SERAC1: variants seen among roughly 807,000 people sequenced by gnomAD.
SERAC1 encodes the protein protein SERAC1.
SERAC1 carries 36 observed loss-of-function variants against 85.7 expected under a neutral mutation model. The observed-to-expected ratio is 0.42, with a 90% confidence interval of 0.32 to 0.55. The LOEUF (loss-of-function observed/expected upper bound fraction) is 0.55, where lower values mean the gene tolerates loss of function less well. SERAC1 is among the 20% of genes least tolerant of loss of function. The pLI, the probability that SERAC1 is intolerant of heterozygous loss-of-function variation, is 0.11. For missense variants in SERAC1, 629 were observed against 796.2 expected (o/e 0.79, Z 2.53); for synonymous variants, 242 against 265.3 (o/e 0.91, Z 0.85).
rs201941476 is a variant in SERAC1, at chr6:158,116,193, C to G, written c.1493G>C (p.Ser498Thr). ...GTTGAAGCCACACTTACCTCCCATG[C>G]TATGTGATATCCAAACCACTGGCCT... is the stretch of plus-strand genomic sequence containing the variant. Reference protein sequence around the residue: ...GDRPVVWISHSMGGLLVKKML... With the variant: ...GDRPVVWISHTMGGLLVKKML... The change falls in exon 14 of 17, where the codon AGC becomes ACC. Residue 498 changes from serine to threonine, a missense_variant. Transcript: ENST00000647468. 96 of 1,613,716 alleles carry G rather than the reference C, an allele frequency of 5.9e-5. No homozygotes were observed. Among genetic ancestry groups the G allele is most frequent in the Non-Finnish European group, 8.0e-5 (94 of 1,179,636 alleles).
intron 7 of SERAC1, among the ~76,000 whole-genome samples, 190 bp from the exon 8 acceptor site, chr6:158,143,374 T>TATAC (rs1342988409): frequency 2.5e-4 from 2 of 8,028 alleles, no homozygotes; most frequent in Non-Finnish European, 6.3e-4. Flanking sequence ...TATATATATA[T>TATAC]ACACACACAC....
chr6:158,137,615 C>T (rs1784823780), intron 8 of SERAC1, among the ~76,000 whole-genome samples: 1 of 152,070 alleles, frequency 6.6e-6, no homozygotes, highest in Non-Finnish European at 1.5e-5. Flanking sequence ...GTGGCTCTCA[C>T]CTGTTATACT....
chr6:158,128,724 C>T (rs1784602825), intron 9 of SERAC1, among the ~76,000 whole-genome samples: 1 of 152,202 alleles, frequency 6.6e-6, no homozygotes, highest in African/African-American at 2.4e-5. Flanking sequence ...GACCAGTGAC[C>T]TCTGTGGCCC....
At chr6:158,113,105 G>A (rs991751080) in intron 16 of SERAC1, 2 of 324,598 alleles carry the variant, frequency 6.2e-6, no homozygotes, top group Non-Finnish European at 1.1e-5. Flanking sequence ...GGTTCTGCAT[G>A]TAAATATAAG....
At position 158,117,424 on chromosome 6, in the gene SERAC1, A is replaced by T; in HGVS notation, c.1403+303T>A. ...ATTGTGGACACAAGAACAAAAAAACATCACTTTTACTTCTGATAGAAAAGG... is the reference window on the plus strand; with the variant it reads ...ATTGTGGACACAAGAACAAAAAAACTTCACTTTTACTTCTGATAGAAAAGG... On this transcript the variant is annotated intron_variant, in intron 13 of 16. Coordinates refer to ENST00000647468, the MANE Select transcript of SERAC1 (RefSeq NM_032861.4). This position sits in a 1 kb window ranked among gnomAD's most constrained non-coding sequence, Gnocchi z 4.3. The T allele has an allele frequency of 4.0e-6, 5 of 1,261,174 alleles. No homozygotes were observed. Among genetic ancestry groups the T allele is most frequent in the Non-Finnish European group, 5.5e-6 (5 of 914,900 alleles). The allele number at this position is 1,261,174 out of a possible 1,614,324, so 78.1% of individuals were successfully genotyped here.
chr6:158,150,355 C>CA (rs1785173021), intron 4 of SERAC1, 98 bp downstream of exon 4: 2 of 911,566 alleles, frequency 2.2e-6, no homozygotes, highest in Non-Finnish European at 3.2e-6. Context: ...AGAATTAGCT[C>CA]AATCTGTATT....
intron 5 of SERAC1, among the ~76,000 whole-genome samples, chr6:158,148,467 G>A (rs569286203): frequency 6.6e-6 from 1 of 151,994 alleles, no homozygotes; most frequent in East Asian, 1.9e-4. Flanking sequence ...TTTTGAGACA[G>A]AGTCTCACTC....
intron 1 of SERAC1, among the ~76,000 whole-genome samples, chr6:158,164,592 T>C (rs776219217): frequency 6.6e-6 from 1 of 152,070 alleles, no homozygotes; most frequent in Non-Finnish European, 1.5e-5. Context: ...AGGGAAGAGA[T>C]TATAATTTAA....
rs774760553 is a variant in SERAC1 at position 158,144,329 on chromosome 6, G to A, written c.579C>T (p.Leu193=). ...RSEESDLRFF[L]LPPPLPSLKE... ...TTAAAGATGGCAAAGGAGGTGGTAG[G>A]AGAAAAAAGCGAAGATCACTCTCTT... Residue 193 remains leucine (L), a synonymous_variant, in exon 7 of 17, where the codon CTC becomes CTT. Coordinates refer to ENST00000647468, the MANE Select transcript of SERAC1 (RefSeq NM_032861.4). 1.9e-6 allele frequency: 3 copies of A among 1,612,456 alleles called. No individual in the cohort carries two copies. The highest frequency in any genetic ancestry group is 2.5e-6 in the Non-Finnish European group (3 of 1,178,974).
At chr6:158,127,435 G>A (rs1366717469) in intron 10 of SERAC1, among the ~76,000 whole-genome samples, 20 of 23,816 alleles carry the variant, frequency 8.4e-4, no homozygotes, top group East Asian at 3.0e-3. Context: ...GCCTCTGCCC[G>A]GCCGCCCCTA....
intron 7 of SERAC1, among the ~76,000 whole-genome samples, 155 bp from the exon 8 acceptor site, chr6:158,143,339 CTCTCTCTCTATATATATA>C (rs1173100321): frequency 0.063 from 1,458 of 23,228 alleles, 10 homozygotes; most frequent in Middle Eastern, 0.097. Flanking sequence ...CTCTCTCTCT[CTCTCTCTCTATATATATA>C]TATATATATA....
At chr6:158,113,126 T>G (rs1784187463) in intron 16 of SERAC1, 1 of 369,026 alleles carries the variant, frequency 2.7e-6, no homozygotes, top group Non-Finnish European at 4.8e-6. Context: ...TCTAAGTCTA[T>G]TAAATAAATG....
chr6:158,128,267 A>C lies in SERAC1; in HGVS notation c.856T>G (p.Ser286Ala), dbSNP rs1359674916. The change falls in exon 10 of 17, where the codon TCC (serine) becomes GCC (alanine). Residue 286 changes from serine to alanine, a missense_variant. By Grantham distance (99) the Ser-to-Ala change is moderately conservative. Coordinates refer to ENST00000647468, the MANE Select transcript of SERAC1 (RefSeq NM_032861.4). ...GCTTCGATTTTATCACAATGTGTGG[A>C]TATCTGGCACAATAAATAAACAGAA... ...LEAIVKHSEISTHCDKIEANG... is the reference protein window; with the variant it reads ...LEAIVKHSEIATHCDKIEANG... 6.2e-7 allele frequency: 1 copy of C among 1,613,324 alleles called. No individual in the cohort carries two copies. Among genetic ancestry groups the C allele is most frequent in the East Asian group, 2.2e-5 (1 of 44,866 alleles).
intron 10 of SERAC1, among the ~76,000 whole-genome samples, chr6:158,124,158 TATA>T (rs751626014): frequency 4.8e-4 from 73 of 152,226 alleles, no homozygotes; most frequent in Admixed American, 7.8e-4. Flanking sequence ...TTTTTTTTTC[TATA>T]ATAAGATACT....
chr6:158,116,072 G>A (rs1318667796), intron 14 of SERAC1, 113 bp downstream of exon 14: 1 of 763,360 alleles, frequency 1.3e-6, no homozygotes, highest in East Asian at 2.6e-5. Context: ...TTAGCAGGGG[G>A]GGTAAGGGAG....
rs376658395 is a variant in SERAC1, at chr6:158,120,452, T to C, written c.1139A>G (p.Tyr380Cys). The change falls in exon 11 of 17, where the codon TAT becomes TGT. Residue 380 changes from tyrosine (Y) to cysteine (C), a missense_variant. Physicochemically the swap from Tyr to Cys is radical, Grantham distance 194. Coordinates refer to ENST00000647468, the MANE Select transcript of SERAC1 (RefSeq NM_032861.4). The surrounding 1 kb of genome is among the most constrained non-coding windows in gnomAD (Gnocchi z 4.4). The part of the protein sequence containing the change: ...TVQEKYQDGV[Y>C]VLHPQYRTSQ... ...TGTTCGATATTGGGGATGCAGCACA[T>C]ATACGCCATCCTGATATTTTTCTTG... 7 of 1,613,928 alleles carry C rather than the reference T, an allele frequency of 4.3e-6. No homozygotes were observed. The East Asian group carries it at 8.9e-5, about 21-fold the overall frequency.
chr6:158,124,784 CACACAT>C (rs150693443), intron 10 of SERAC1, among the ~76,000 whole-genome samples: 23,813 of 126,038 alleles, frequency 0.19, 1,866 homozygotes, highest in East Asian at 0.27. Context: ...CACACACACA[CACACAT>C]ACACACTCAA....
rs1784600331 is a variant in SERAC1, at chr6:158,128,600, G to C, written c.853-330C>G. Reference sequence around the variant, plus strand: ...TCAATTTATAGTGACACTTTGACTTGAAATTACCTTAAAACAGTTCTCACC... The same window carrying C: ...TCAATTTATAGTGACACTTTGACTTCAAATTACCTTAAAACAGTTCTCACC... On this transcript the variant is annotated intron_variant, in intron 9 of 16. Coordinates refer to ENST00000647468, the MANE Select transcript of SERAC1 (RefSeq NM_032861.4). 2.6e-5 allele frequency among the ~76,000 whole-genome samples: 4 copies of C among 152,152 alleles called. No homozygotes were observed. In the South Asian group the frequency reaches 8.3e-4, roughly 31 times the overall value.
chr6:158,141,977 AT>A (rs527270271), intron 8 of SERAC1, among the ~76,000 whole-genome samples: 7,118 of 146,368 alleles, frequency 0.049, 543 homozygotes, highest in African/African-American at 0.16. Flanking sequence ...TAAAACACTG[AT>A]TTTTTTTTTT....
Sources: gnomAD v4.1 joint callset for allele counts (sites outside exome capture counted in the v4.1 genomes callset) on GRCh38, gnomAD v4.1.1 for gene constraint, Gnocchi (gnomAD v3.1) non-coding constraint, MANE v1.5 for transcripts, NCBI Gene and HGNC (gene_info 2026-07-23, HGNC 2026-07-21) for gene names.